Variants in FMNL2 observed in about 807,000 individuals in gnomAD.
The protein encoded by FMNL2 is formin-like protein 2.
A neutral mutation model predicts 130.2 loss-of-function variants in FMNL2; 51 were observed. That is an observed-to-expected ratio of 0.39 (90% CI 0.31 to 0.49). The LOEUF is 0.49. Among genes scored for constraint, FMNL2 ranks in the 20% least tolerant of loss-of-function variants. The pLI is 0.85. For synonymous variants in FMNL2, 465 were observed against 467.1 expected (o/e 1.00, Z 0.06); for missense variants, 977 against 1,316.2 (o/e 0.74, Z 3.99).
chr2:152,515,239 G>A (rs746085836), intron 1 of FMNL2, among the ~76,000 whole-genome samples: 33 of 152,070 alleles, frequency 2.2e-4, no homozygotes, highest in Non-Finnish European at 4.3e-4. Flanking sequence ...CGGATTATTT[G>A]ACATGCTCCG....
chr2:152,645,485 G>T (rs1202237652), intron 25 of FMNL2: 13 of 1,290,214 alleles, frequency 1.0e-5, no homozygotes, highest in Non-Finnish European at 1.2e-5. Flanking sequence ...TCGAGGGTAA[G>T]GATTTCTTCT....
chr2:152,647,822 G>T lies in FMNL2; in HGVS notation c.3196G>T (p.Ala1066Ser). ...TCTTAGAAACCAACCATACAGACGA[G>T]CCGATGCGGTGAGGAGAAGCGTCAG... ...TDLRNQPYRR[A>S]DAVRRSVRRR... is the part of the protein sequence containing the mutation. The change falls in exon 26 of 26, where the codon GCC becomes TCC. Residue 1066 changes from alanine (A) to serine (S), a missense_variant. Ala to Ser is a moderately conservative substitution (Grantham distance 99, BLOSUM62 1). Coordinates refer to ENST00000288670, the MANE Select transcript of FMNL2 (RefSeq NM_052905.4). The T allele has an allele frequency of 6.2e-7, 1 of 1,613,974 alleles. No homozygotes were observed. Among genetic ancestry groups the T allele is most frequent in the Non-Finnish European group, 8.5e-7 (1 of 1,179,868 alleles).
chr2:152,522,136 G>T, intron 2 of FMNL2, 110 bp downstream of exon 2: 1 of 895,366 alleles, frequency 1.1e-6, no homozygotes, highest in Admixed American at 3.1e-5. Context: ...ATTTGCTTCT[G>T]CGACAGAGAT....
intron 21 of FMNL2, among the ~76,000 whole-genome samples, chr2:152,632,962 G>A (rs976101618): frequency 6.6e-6 from 1 of 152,102 alleles, no homozygotes; most frequent in African/African-American, 2.4e-5. Context: ...TGGAGGGTGA[G>A]GCCTTCTCTA....
chr2:152,344,746 A>G lies in FMNL2; in HGVS notation c.117+9026A>G, dbSNP rs559115412. ...TGTAGCCTAATTGTTTGTTGGTTCA[A>G]TGCAGCCCTTTTGCTTTGATCTCTG... On this transcript the variant is annotated intron_variant, in intron 1 of 25. Transcript: ENST00000288670. Among the ~76,000 whole-genome samples the G allele has an allele frequency of 8.5e-5, 13 of 152,308 alleles. No individual in the cohort carries two copies. In the East Asian group the frequency reaches 1.3e-3, roughly 16 times the overall value.
At position 152,646,809 on chromosome 2, in the gene FMNL2, A is replaced by C. The variant is rs140583050; in HGVS notation, c.3170-987A>C. ...ATACTAATTAAACAGGAAAAGTATA[A>C]AGCCTGCTTTACTTTTTTCACTATG... On this transcript the variant is annotated intron_variant, in intron 25 of 25. Transcript: ENST00000288670. 7.3e-3 allele frequency among the ~76,000 whole-genome samples: 1,108 copies of C among 152,318 alleles called. 13 individuals are homozygous for C. Among genetic ancestry groups the C allele is most frequent in the African/African-American group, 0.026 (1,064 of 41,556 alleles).
At position 152,619,668 on chromosome 2, in the gene FMNL2, C is replaced by T. The variant is rs1486187455; in HGVS notation, c.1787C>T (p.Pro596Leu). Residue 596 changes from proline (P) to leucine (L), a missense_variant, in exon 15 of 26, where the codon CCG (proline) becomes CTG (leucine). Pro to Leu is a moderately conservative substitution (Grantham distance 98). Around this residue, in one of 4 missense-constraint regions of FMNL2, gnomAD observed 689 missense variants for 995.9 expected, o/e 0.69. Coordinates refer to ENST00000288670, the MANE Select transcript of FMNL2 (RefSeq NM_052905.4). ...PLAPPLPSAP[P>L]LPGTSSPTVV... is the part of the protein sequence containing the mutation. ...GCACCTCCCCTTCCCTCTGCACCTCCGCTGCCTGGAACATCTTCACCCACA... is the reference window on the plus strand; with the variant it reads ...GCACCTCCCCTTCCCTCTGCACCTCTGCTGCCTGGAACATCTTCACCCACA... 7.4e-6 allele frequency: 12 copies of T among 1,612,452 alleles called. No homozygotes were observed. The highest frequency in any genetic ancestry group is 3.3e-5 in the South Asian group (3 of 90,580).
At chr2:152,539,967 A>G (rs1694212533) in intron 2 of FMNL2, among the ~76,000 whole-genome samples, 1 of 152,054 alleles carries the variant, frequency 6.6e-6, no homozygotes, top group South Asian at 2.1e-4. Context: ...GCCTGCACCT[A>G]TAGATCCAAC....
chr2:152,577,500 G>A (rs1696541691), intron 7 of FMNL2, among the ~76,000 whole-genome samples: 1 of 152,170 alleles, frequency 6.6e-6, no homozygotes, highest in African/African-American at 2.4e-5. Flanking sequence ...GGCATAGGAA[G>A]CCAGGAAGGT....
chr2:152,565,929 G>A (rs1350911162), intron 6 of FMNL2, among the ~76,000 whole-genome samples: 1 of 152,072 alleles, frequency 6.6e-6, no homozygotes, highest in African/African-American at 2.4e-5. Flanking sequence ...ACAGGTGTGT[G>A]CCACCACGCC....
chr2:152,647,467 A>G (rs1332059986), intron 25 of FMNL2, among the ~76,000 whole-genome samples: 2 of 152,206 alleles, frequency 1.3e-5, no homozygotes, highest in Non-Finnish European at 2.9e-5. Flanking sequence ...AATAAAAACA[A>G]AACAAAAAAA....
chr2:152,499,660 A>G (rs904439524), intron 1 of FMNL2, among the ~76,000 whole-genome samples: 1 of 152,172 alleles, frequency 6.6e-6, no homozygotes, highest in Admixed American at 6.5e-5. Flanking sequence ...TCCAAGCTAT[A>G]TGAGAAAGCT....
intron 2 of FMNL2, among the ~76,000 whole-genome samples, chr2:152,539,597 AAT>A (rs1248129487): frequency 6.6e-6 from 1 of 152,262 alleles, no homozygotes; most frequent in Non-Finnish European, 1.5e-5. Flanking sequence ...ACAAATGAAG[AAT>A]ATGTGGAATA....
intron 1 of FMNL2, among the ~76,000 whole-genome samples, chr2:152,491,767 A>T (rs1238160069): frequency 1.3e-5 from 2 of 152,184 alleles, no homozygotes; most frequent in Admixed American, 1.3e-4. Flanking sequence ...CCTGGCCAAC[A>T]TGGTGAAACC....
intron 1 of FMNL2, among the ~76,000 whole-genome samples, chr2:152,363,272 T>C (rs1342099089): frequency 1.3e-4 from 20 of 152,226 alleles, no homozygotes. Context: ...TGAAAACCTT[T>C]TGTTTCAAGT....
chr2:152,569,022 ATTG>A (rs2105650936), intron 6 of FMNL2, among the ~76,000 whole-genome samples: 1 of 151,876 alleles, frequency 6.6e-6, no homozygotes, highest in African/African-American at 2.4e-5. Flanking sequence ...GTTTACCACC[ATTG>A]TTATTATTTT....
chr2:152,600,340 T>C (rs1054500682), intron 9 of FMNL2, among the ~76,000 whole-genome samples: 5 of 152,168 alleles, frequency 3.3e-5, no homozygotes, highest in African/African-American at 9.7e-5. Flanking sequence ...AAAGGGCCTT[T>C]AATTTTTATA....
intron 1 of FMNL2, among the ~76,000 whole-genome samples, chr2:152,468,228 T>C (rs1285894214): frequency 6.6e-6 from 1 of 151,980 alleles, no homozygotes; most frequent in African/African-American, 2.4e-5. Flanking sequence ...TGATACATAA[T>C]GAGATTTCTC....
At chr2:152,498,431 A>T (rs902008482) in intron 1 of FMNL2, among the ~76,000 whole-genome samples, 85 of 151,916 alleles carry the variant, frequency 5.6e-4, no homozygotes, top group African/African-American at 1.3e-3. Context: ...CATTTTTTTT[A>T]AAAAAATGCC....
Sources: gnomAD v4.1 joint callset for allele counts (sites outside exome capture counted in the v4.1 genomes callset) on GRCh38, gnomAD v4.1.1 for gene constraint, gnomAD v4.1.1 regional missense constraint, MANE v1.5 for transcripts, NCBI Gene and HGNC (gene_info 2026-07-23, HGNC 2026-07-21) for gene names.